FBXO38: variants seen among roughly 807,000 people sequenced by gnomAD.
FBXO38 encodes the protein F-box protein 38, also known as F-box only protein 38.
FBXO38 carries 53 observed loss-of-function variants against 131.9 expected under a neutral mutation model. That is an observed-to-expected ratio of 0.40 (90% CI 0.32 to 0.51). The LOEUF (loss-of-function observed/expected upper bound fraction) is 0.51. Ranked by LOEUF, FBXO38 falls within the 20% of genes least tolerant of loss-of-function variation. FBXO38 has a pLI of 0.53. For missense variants in FBXO38, 1,076 were observed against 1,475.6 expected, an observed-to-expected ratio of 0.73 and a Z score of 4.44; for synonymous variants, 452 against 505.6, an observed-to-expected ratio of 0.89 and a Z score of 1.42.
At chr5:148,433,833 C>T in intron 17 of FBXO38, 96 bp downstream of exon 17, 1 of 632,968 alleles carries the variant, frequency 1.6e-6, no homozygotes, top group Non-Finnish European at 2.7e-6. Flanking sequence ...GTCTTATTTT[C>T]TTAAAGGAAA....
intron 2 of FBXO38, among the ~76,000 whole-genome samples, chr5:148,396,216 G>A (rs1296338084): frequency 2.6e-5 from 4 of 151,810 alleles, no homozygotes; most frequent in South Asian, 2.1e-4. Context: ...TGATATTAAC[G>A]TTCATCTGGC....
At chr5:148,429,341 T>G (rs1434335649) in intron 15 of FBXO38, among the ~76,000 whole-genome samples, 2 of 152,064 alleles carry the variant, frequency 1.3e-5, no homozygotes, top group Non-Finnish European at 2.9e-5. Context: ...AATTTTTTTT[T>G]TTTTATTCCA....
At chr5:148,437,821 A>G (rs1311199783) in intron 17 of FBXO38, among the ~76,000 whole-genome samples, 1 of 152,146 alleles carries the variant, frequency 6.6e-6, no homozygotes, top group Non-Finnish European at 1.5e-5. Flanking sequence ...GTTCAGTATT[A>G]TGGTAACCAC....
At chr5:148,387,191 C>G (rs553159796) in intron 1 of FBXO38, among the ~76,000 whole-genome samples, 3 of 152,072 alleles carry the variant, frequency 2.0e-5, no homozygotes, top group Admixed American at 2.0e-4. Flanking sequence ...CTGGTGCTGC[C>G]GTATCAACTG....
In FBXO38 at chr5:148,442,102, C is replaced by T. The variant is rs758521534; in HGVS notation, c.3522C>T (p.His1174=). The T allele has an allele frequency of 1.2e-6, 2 of 1,614,104 alleles. No homozygotes were observed. The highest frequency in any genetic ancestry group is 1.7e-5 in the Admixed American group (1 of 60,018). Reference sequence around the variant, plus strand: ...AGCGAGTAGTGGCAATTTTTATCCACTATTGTGATGTCAATGGAGAGCCAG... The same window carrying T: ...AGCGAGTAGTGGCAATTTTTATCCATTATTGTGATGTCAATGGAGAGCCAG... ...VFQRVVAIFI[H]YCDVNGEPVE... The change falls in exon 22 of 22, where the codon CAC becomes CAT. Residue 1174 remains histidine, a synonymous_variant. Coordinates refer to ENST00000340253, the MANE Select transcript of FBXO38 (RefSeq NM_205836.3).
rs758236031 is a variant in FBXO38, at chr5:148,425,704, G to A, written c.1918+3G>A. The stretch of plus-strand genomic sequence containing the variant: ...AGTGCAGTCCAGAGAATTGTCAGGT[G>A]AGAAATTGTCTTTCTCTGAACTATT... On this transcript the variant is annotated splice_donor_region_variant and intron_variant, in intron 14 of 21. Coordinates refer to ENST00000340253, the MANE Select transcript of FBXO38 (RefSeq NM_205836.3). The A allele has an allele frequency of 1.2e-5, 19 of 1,611,734 alleles. No homozygotes were observed. Among genetic ancestry groups the A allele is most frequent in the Non-Finnish European group, 1.6e-5 (19 of 1,178,932 alleles).
chr5:148,390,844 A>T (rs146330185), intron 1 of FBXO38, among the ~76,000 whole-genome samples: 1 of 152,326 alleles, frequency 6.6e-6, no homozygotes, highest in African/African-American at 2.4e-5. Context: ...CAAAGGTGGA[A>T]TCAGTAGAGG....
rs1406389148 is a variant in FBXO38 at position 148,427,619 on chromosome 5, A to G, written c.2325A>G (p.Arg775=). 2 of 1,614,190 alleles carry G rather than the reference A, an allele frequency of 1.2e-6. No individual in the cohort carries two copies. Among genetic ancestry groups the G allele is most frequent in the South Asian group, 1.1e-5 (1 of 91,078 alleles). ...EGDAESSVCP[R]CCCHRPQESQ... is the part of the protein sequence containing the mutation. ...ATGCAGAGAGTTCTGTCTGCCCCAG[A>G]TGCTGCTGTCACAGGCCCCAGGAAT... Residue 775 remains arginine, a synonymous_variant, in exon 15 of 22, where the codon AGA becomes AGG. Coordinates refer to ENST00000340253, the MANE Select transcript of FBXO38 (RefSeq NM_205836.3).
chr5:148,384,555 G>A (rs985475759), intron 1 of FBXO38, among the ~76,000 whole-genome samples: 3 of 152,158 alleles, frequency 2.0e-5, no homozygotes, highest in Non-Finnish European at 4.4e-5. Flanking sequence ...CACACCGTGT[G>A]ACCTTGTCTA....
intron 5 of FBXO38, 73 bp from the exon 6 acceptor site, chr5:148,404,612 G>T: frequency 7.5e-7 from 1 of 1,327,734 alleles, no homozygotes; most frequent in South Asian, 1.7e-5. Context: ...ATAGACTCTT[G>T]AACTTATAAG....
intron 13 of FBXO38, among the ~76,000 whole-genome samples, chr5:148,424,328 C>T (rs1443780804): frequency 6.6e-6 from 1 of 152,206 alleles, no homozygotes; most frequent in Non-Finnish European, 1.5e-5. Context: ...ACTGCAGCAA[C>T]AACTGCTTTT....
chr5:148,442,030 A>T lies in FBXO38; in HGVS notation c.3450A>T (p.Ile1150=). The change falls in exon 22 of 22, where the codon ATA becomes ATT. Residue 1150 remains isoleucine, a synonymous_variant. Coordinates refer to ENST00000340253, the MANE Select transcript of FBXO38 (RefSeq NM_205836.3). ...CTGCAGACATCTGTATGGAAACAAT[A>T]GGAGAGGAAATTTCAGAGATGCGTC... ...QLSADICMET[I]GEEISEMRQM... is the part of the protein sequence containing the mutation. 6.2e-7 allele frequency: 1 copy of T among 1,614,142 alleles called. No individual in the cohort carries two copies.
chr5:148,441,328 T>A, intron 21 of FBXO38, 91 bp downstream of exon 21: 1 of 907,866 alleles, frequency 1.1e-6, no homozygotes, highest in South Asian at 1.4e-5. Flanking sequence ...TTAGGAGCAG[T>A]GCAGTGTTAA....
chr5:148,435,595 C>G (rs528573554), intron 17 of FBXO38, among the ~76,000 whole-genome samples: 3 of 152,232 alleles, frequency 2.0e-5, no homozygotes, highest in Admixed American at 1.3e-4. Context: ...CATGGTGAAA[C>G]CCCGTCTCAC....
intron 10 of FBXO38, 103 bp downstream of exon 10, chr5:148,414,409 T>G (rs888197776): frequency 9.4e-7 from 1 of 1,059,398 alleles, no homozygotes. Flanking sequence ...ATGTAAAATG[T>G]AGGTATTTCA....
chr5:148,423,036 T>G (rs1411918683), intron 12 of FBXO38, among the ~76,000 whole-genome samples: 1 of 152,240 alleles, frequency 6.6e-6, no homozygotes, highest in Non-Finnish European at 1.5e-5. Context: ...TCTTGTATGG[T>G]GGTATATGAA....
chr5:148,387,584 C>G (rs1368291968), intron 1 of FBXO38, among the ~76,000 whole-genome samples: 2 of 152,068 alleles, frequency 1.3e-5, no homozygotes, highest in Admixed American at 1.3e-4. Flanking sequence ...ACGTTCTTAA[C>G]AGCTTCTAGA....
In FBXO38 at chr5:148,414,124, TGC is replaced by T. The variant is rs1356901997; in HGVS notation, c.1094-11_1094-10del. On this transcript the variant is annotated splice_polypyrimidine_tract_variant and intron_variant, in intron 9 of 21. Coordinates refer to ENST00000340253, the MANE Select transcript of FBXO38 (RefSeq NM_205836.3). ...TTGACTTTTTTTTTTTTTAATTGAT[TGC>T]TCTTTTTAGGCAGAATGGCTAATGC... 1.7e-5 allele frequency: 27 copies of T among 1,579,074 alleles called. No homozygotes were observed. Among genetic ancestry groups the T allele is most frequent in the Admixed American group, 5.9e-5 (3 of 51,082 alleles).
At chr5:148,402,589 A>G in intron 5 of FBXO38, 76 bp downstream of exon 5, 1 of 1,268,794 alleles carries the variant, frequency 7.9e-7, no homozygotes, top group Admixed American at 2.3e-5. Flanking sequence ...AAAAAGAATA[A>G]TGAGAATTTT....
Sources: gnomAD v4.1 joint callset for allele counts (sites outside exome capture counted in the v4.1 genomes callset) on GRCh38, gnomAD v4.1.1 for gene constraint, MANE v1.5 for transcripts, NCBI Gene and HGNC (gene_info 2026-07-23, HGNC 2026-07-21) for gene names.